JAK2: variants seen among roughly 807,000 people sequenced by gnomAD.
JAK2 encodes Janus kinase 2, also known as tyrosine-protein kinase JAK2.
In JAK2, 86 loss-of-function variants were observed where a neutral mutation model predicts 139.3. The ratio of observed to expected loss-of-function variants is 0.62; its 90% CI spans 0.52 to 0.74. The LOEUF (loss-of-function observed/expected upper bound fraction) is 0.74. Among genes scored for constraint, JAK2 ranks in the 30% least tolerant of loss-of-function variants. The pLI is 0.00. For synonymous variants in JAK2, 490 were observed against 437.7 expected (o/e 1.12, Z -1.49); for missense variants, 1,421 against 1,360.3 (o/e 1.04, Z -0.70).
Position 5,127,275 on chromosome 9 carries a change from A to G in JAK2, c.*484A>G. 1 of 232,598 alleles carries G rather than the reference A, an allele frequency of 4.3e-6. No homozygotes were observed. The highest frequency in any genetic ancestry group is 8.5e-6 in the Non-Finnish European group (1 of 117,262). The allele number at this position is 232,598 out of a possible 1,614,324, so 14.4% of individuals were successfully genotyped here. On this transcript the variant is annotated 3_prime_UTR_variant, in exon 25 of 25. Transcript: ENST00000381652. ...ATTTTTCCATAGTTAATCTATAATT[A>G]ATTACTTCACTATACAAACAAATTA...
intron 4 of JAK2, among the ~76,000 whole-genome samples, chr9:5,035,756 A>G (rs1020092116): frequency 1.3e-5 from 2 of 152,194 alleles, no homozygotes; most frequent in Non-Finnish European, 2.9e-5. Context: ...TATCTATGAC[A>G]TACCGACAGC....
chr9:5,093,754 CT>C (rs1421128359), intron 22 of JAK2, among the ~76,000 whole-genome samples: 1 of 152,110 alleles, frequency 6.6e-6, no homozygotes, highest in African/African-American at 2.4e-5. Flanking sequence ...CAATCCTATT[CT>C]ATCATATCAA....
intron 12 of JAK2, 21 bp downstream of exon 12, chr9:5,070,073 T>C (rs1435773635): frequency 6.4e-7 from 1 of 1,562,138 alleles, no homozygotes; most frequent in East Asian, 2.3e-5. Flanking sequence ...AGATACTCAT[T>C]ACTGTCTTTT....
At chr9:5,057,772 G>A (rs1379911052) in intron 8 of JAK2, among the ~76,000 whole-genome samples, 7 of 151,608 alleles carry the variant, frequency 4.6e-5, no homozygotes, top group Non-Finnish European at 4.4e-5. Context: ...TAGTAGAGAC[G>A]GGGTTTCACC....
At chr9:5,060,041 C>T (rs537023782) in intron 8 of JAK2, among the ~76,000 whole-genome samples, 1 of 152,164 alleles carries the variant, frequency 6.6e-6, no homozygotes, top group Non-Finnish European at 1.5e-5. Context: ...AAGTGAGTCA[C>T]ATAAATTTTT....
intron 22 of JAK2, among the ~76,000 whole-genome samples, chr9:5,118,787 T>A (rs1180234052): frequency 6.6e-6 from 1 of 152,146 alleles, no homozygotes; most frequent in East Asian, 1.9e-4. Context: ...AATATACCAT[T>A]AAAAATTATC....
chr9:5,087,236 C>A (rs991415673), intron 19 of JAK2, among the ~76,000 whole-genome samples: 2 of 152,184 alleles, frequency 1.3e-5, no homozygotes, highest in African/African-American at 4.8e-5. Context: ...AGGAAACTTA[C>A]AGTCATGGCA....
chr9:5,033,893 T>A (rs1039933871), intron 4 of JAK2, among the ~76,000 whole-genome samples: 2 of 152,104 alleles, frequency 1.3e-5, no homozygotes, highest in Non-Finnish European at 2.9e-5. Context: ...CATAACAATA[T>A]TAACCTTAAA....
intron 4 of JAK2, among the ~76,000 whole-genome samples, chr9:5,037,250 C>G (rs1460839107): frequency 6.6e-6 from 1 of 152,136 alleles, no homozygotes; most frequent in Non-Finnish European, 1.5e-5. Context: ...CATTTTTACA[C>G]TGTTGGTGGG....
chr9:5,072,417 A>T, intron 12 of JAK2, 75 bp from the exon 13 acceptor site: 2 of 1,125,894 alleles, frequency 1.8e-6, no homozygotes, highest in Non-Finnish European at 2.4e-6. Flanking sequence ...ATTCTTCCTC[A>T]TTGAATGTAT....
rs763955675 is a variant in JAK2, at chr9:5,022,035, C to A, written c.48C>A (p.Thr16=). 1 of 1,614,164 alleles carries A rather than the reference C, an allele frequency of 6.2e-7. No individual in the cohort carries two copies. Among genetic ancestry groups the A allele is most frequent in the Non-Finnish European group, 8.5e-7 (1 of 1,179,978 alleles). Residue 16 remains threonine (T), a synonymous_variant, in exon 3 of 25, where the codon ACC becomes ACA. Coordinates refer to ENST00000381652, the MANE Select transcript of JAK2 (RefSeq NM_004972.4). ...LTMTEMEGTS[T]SSIYQNGDIS... ...TGACAGAAATGGAGGGAACATCCAC[C>A]TCTTCTATATATCAGAATGGTGATA...
intron 16 of JAK2, among the ~76,000 whole-genome samples, chr9:5,079,281 T>C (rs79335631): frequency 1.5e-5 from 2 of 132,052 alleles, no homozygotes; most frequent in East Asian, 3.9e-4. Flanking sequence ...TCAATCAATC[T>C]ATTTGTCTGT....
chr9:4,988,446 C>G (rs1050880116), intron 2 of JAK2, among the ~76,000 whole-genome samples: 8 of 152,202 alleles, frequency 5.3e-5, no homozygotes, highest in Admixed American at 3.9e-4. Context: ...GTGCTCTACA[C>G]TAAGTTGTAA....
At chr9:4,997,272 G>A (rs774537991) in intron 2 of JAK2, among the ~76,000 whole-genome samples, 9 of 152,050 alleles carry the variant, frequency 5.9e-5, no homozygotes, top group Non-Finnish European at 1.2e-4. Flanking sequence ...AAATACCTGA[G>A]GCTGAGTAAT....
At chr9:5,034,290 T>C (rs1342594359) in intron 4 of JAK2, among the ~76,000 whole-genome samples, 1 of 152,082 alleles carries the variant, frequency 6.6e-6, no homozygotes, top group Non-Finnish European at 1.5e-5. Context: ...ACAATAATAA[T>C]GGGAGACTTT....
At chr9:5,038,334 C>T (rs1223079741) in intron 4 of JAK2, among the ~76,000 whole-genome samples, 1 of 152,136 alleles carries the variant, frequency 6.6e-6, no homozygotes, top group African/African-American at 2.4e-5. Flanking sequence ...AGTGGCTTCA[C>T]TTGTGAATTC....
At chr9:5,116,744 T>G (rs568118942) in intron 22 of JAK2, among the ~76,000 whole-genome samples, 1 of 152,308 alleles carries the variant, frequency 6.6e-6, no homozygotes, top group African/African-American at 2.4e-5. Flanking sequence ...GTAGAAAGGC[T>G]GAACTAAAAG....
chr9:5,013,551 A>T (rs1821842493), intron 2 of JAK2, among the ~76,000 whole-genome samples: 1 of 152,194 alleles, frequency 6.6e-6, no homozygotes, highest in South Asian at 2.1e-4. Context: ...AATCCAGCCA[A>T]ACTTGTCTCT....
At chr9:4,992,907 AG>A (rs1356112999) in intron 2 of JAK2, among the ~76,000 whole-genome samples, 1 of 152,164 alleles carries the variant, frequency 6.6e-6, no homozygotes, top group Non-Finnish European at 1.5e-5. Context: ...CATTCTTAAT[AG>A]GACATAGGCT....
Sources: allele counts gnomAD v4.1 joint callset (sites outside exome capture counted in the v4.1 genomes callset), GRCh38; gene constraint gnomAD v4.1.1; transcripts MANE v1.5; gene names NCBI Gene and HGNC (gene_info 2026-07-23, HGNC 2026-07-21).